The following PLPPR1 variants were observed in gnomAD, a reference collection of about 807,000 sequenced individuals.
PLPPR1 encodes phospholipid phosphatase related 1.
A neutral mutation model predicts 33.1 loss-of-function variants in PLPPR1; 10 were observed. That is an observed-to-expected ratio of 0.30 (90% CI 0.19 to 0.51). The LOEUF (loss-of-function observed/expected upper bound fraction) is 0.51. Ranked by LOEUF, PLPPR1 falls within the 20% of genes least tolerant of loss-of-function variation. The probability of loss-of-function intolerance (pLI) is 0.97; values close to 1 mark genes in which losing one functional copy is unlikely to be tolerated. For synonymous variants in PLPPR1, 151 were observed against 151.0 expected (o/e 1.00, Z 0.00); for missense variants, 304 against 408.1 (o/e 0.74, Z 2.20).
intron 2 of PLPPR1, among the ~76,000 whole-genome samples, chr9:101,262,269 C>T (rs1052077199): frequency 8.5e-5 from 13 of 152,092 alleles, no homozygotes; most frequent in African/African-American, 2.7e-4. Flanking sequence ...AATGAAGGCA[C>T]GAAAATTTAG....
intron 1 of PLPPR1, among the ~76,000 whole-genome samples, chr9:101,050,905 A>G (rs889687403): frequency 4.6e-5 from 7 of 152,188 alleles, no homozygotes; most frequent in Non-Finnish European, 1.0e-4. Context: ...CCTTTCATCC[A>G]TCGGCTCTTA....
chr9:101,221,267 C>CA (rs56888869), intron 2 of PLPPR1, among the ~76,000 whole-genome samples: 5,556 of 152,224 alleles, frequency 0.036, 153 homozygotes, highest in South Asian at 0.11. Flanking sequence ...CCCAAGTCTC[C>CA]AAAATCCATT....
At chr9:101,125,566 A>G in intron 1 of PLPPR1, 1 of 505,088 alleles carries the variant, frequency 2.0e-6, no homozygotes, top group South Asian at 1.8e-5. Flanking sequence ...TCTCCTGCCT[A>G]AAGCAGGAAA....
chr9:101,262,623 A>AT (rs1184797489), intron 2 of PLPPR1, among the ~76,000 whole-genome samples: 3 of 152,188 alleles, frequency 2.0e-5, no homozygotes, highest in Non-Finnish European at 2.9e-5. Context: ...AGAACCAGAA[A>AT]TACCATTTGA....
chr9:101,116,684 G>T (rs536545076), intron 1 of PLPPR1, among the ~76,000 whole-genome samples: 4 of 151,986 alleles, frequency 2.6e-5, no homozygotes, highest in African/African-American at 9.6e-5. Context: ...GGTGGTGCGT[G>T]CCTCTAGTCC....
chr9:101,087,216 T>A (rs1830689852), intron 1 of PLPPR1, among the ~76,000 whole-genome samples: 1 of 151,746 alleles, frequency 6.6e-6, no homozygotes, highest in Non-Finnish European at 1.5e-5. Context: ...TAAAAAAAAT[T>A]GAGATTAGAT....
chr9:101,160,527 A>C (rs1831759358), intron 1 of PLPPR1, among the ~76,000 whole-genome samples: 1 of 152,178 alleles, frequency 6.6e-6, no homozygotes, highest in Non-Finnish European at 1.5e-5. Flanking sequence ...CTTTCATCCA[A>C]AAATAAAGAC....
At chr9:101,323,276 G>A (rs777449576) in intron 7 of PLPPR1, among the ~76,000 whole-genome samples, 2 of 151,926 alleles carry the variant, frequency 1.3e-5, no homozygotes, top group African/African-American at 2.4e-5. Context: ...GGGAGGGTCA[G>A]TTGAGCCCAG....
At chr9:101,246,544 G>A (rs1228613925) in intron 2 of PLPPR1, among the ~76,000 whole-genome samples, 2 of 152,032 alleles carry the variant, frequency 1.3e-5, no homozygotes, top group African/African-American at 2.4e-5. Context: ...GAGAATTTAA[G>A]TGATTCTCTA....
At chr9:101,186,399 T>C (rs1826204065) in intron 2 of PLPPR1, among the ~76,000 whole-genome samples, 1 of 151,740 alleles carries the variant, frequency 6.6e-6, no homozygotes, top group African/African-American at 2.4e-5. Context: ...TATCCTGAAC[T>C]TCTGTCTGGG....
chr9:101,153,206 T>C (rs1831618651), intron 1 of PLPPR1, among the ~76,000 whole-genome samples: 1 of 152,222 alleles, frequency 6.6e-6, no homozygotes, highest in African/African-American at 2.4e-5. Flanking sequence ...TGTCTGTTAC[T>C]GGTGTGTAAG....
At chr9:101,059,940 C>T (rs1176690612) in intron 1 of PLPPR1, among the ~76,000 whole-genome samples, 4 of 152,004 alleles carry the variant, frequency 2.6e-5, no homozygotes, top group African/African-American at 9.7e-5. Context: ...AATAGAACTA[C>T]AATATTATCC....
At chr9:101,256,461 C>G (rs1179655626) in intron 2 of PLPPR1, among the ~76,000 whole-genome samples, 1 of 152,042 alleles carries the variant, frequency 6.6e-6, no homozygotes, top group Non-Finnish European at 1.5e-5. Context: ...GAGCTCCAAG[C>G]CATATTTTTC....
intron 1 of PLPPR1, among the ~76,000 whole-genome samples, chr9:101,117,658 TA>T (rs534608741): frequency 0.18 from 25,133 of 141,836 alleles, 2,121 homozygotes; most frequent in Admixed American, 0.21. Flanking sequence ...TGCTTTCACT[TA>T]AAAAAAAAAA....
intron 1 of PLPPR1, among the ~76,000 whole-genome samples, chr9:101,124,661 A>G (rs1831222605): frequency 6.6e-6 from 1 of 152,220 alleles, no homozygotes; most frequent in African/African-American, 2.4e-5. Flanking sequence ...GGCTTTTCAA[A>G]CCTTCAATTC....
At chr9:101,167,812 T>C (rs955552904) in intron 1 of PLPPR1, among the ~76,000 whole-genome samples, 2 of 152,174 alleles carry the variant, frequency 1.3e-5, no homozygotes, top group African/African-American at 2.4e-5. Context: ...TCTTGCATCA[T>C]TCTTGTATTA....
chr9:101,292,655 T>A (rs1341697805), intron 4 of PLPPR1, among the ~76,000 whole-genome samples: 1 of 152,072 alleles, frequency 6.6e-6, no homozygotes, highest in African/African-American at 2.4e-5. Flanking sequence ...ATATTCAACA[T>A]TCTTAAAGAA....
At chr9:101,226,953 G>A (rs1025988561) in intron 2 of PLPPR1, among the ~76,000 whole-genome samples, 6 of 152,184 alleles carry the variant, frequency 3.9e-5, no homozygotes, top group African/African-American at 1.2e-4. Context: ...GTGAGGTAGC[G>A]GAACCTGAAA....
intron 1 of PLPPR1, among the ~76,000 whole-genome samples, chr9:101,109,143 T>A (rs1319171882): frequency 1.4e-5 from 2 of 147,508 alleles, no homozygotes; most frequent in Non-Finnish European, 3.0e-5. Context: ...TATTTTTTTT[T>A]TTTTTTTTTT....
Sources: gnomAD v4.1 joint callset for allele counts (sites outside exome capture counted in the v4.1 genomes callset) on GRCh38, gnomAD v4.1.1 for gene constraint, MANE v1.5 for transcripts, NCBI Gene and HGNC (gene_info 2026-07-23, HGNC 2026-07-21) for gene names.